The following ARHGEF3 variants were observed in gnomAD, a reference collection of about 807,000 sequenced individuals.
ARHGEF3 encodes 59.8 kDA protein.
ARHGEF3 carries 28 observed loss-of-function variants against 63.2 expected under a neutral mutation model. The ratio of observed to expected loss-of-function variants is 0.44; its 90% CI spans 0.33 to 0.61. The LOEUF is 0.61. ARHGEF3 is among the 20% of genes least tolerant of loss of function. The pLI is 0.03. For synonymous variants in ARHGEF3, 266 were observed against 254.2 expected (o/e 1.05, Z -0.44); for missense variants, 533 against 659.3 (o/e 0.81, Z 2.10).
chr3:57,074,290 T>G (rs201744282), intron 1 of ARHGEF3: 1 of 1,589,822 alleles, frequency 6.3e-7, no homozygotes, highest in Admixed American at 1.7e-5. Context: ...CTGCAACATC[T>G]GAGAGTCTGG....
intron 4 of ARHGEF3, among the ~76,000 whole-genome samples, chr3:56,880,747 AAC>A (rs1413224582): frequency 1.3e-5 from 2 of 152,212 alleles, no homozygotes; most frequent in Non-Finnish European, 2.9e-5. Flanking sequence ...AAAAGATTCA[AAC>A]ACACAAAAAA....
chr3:56,744,437 G>A (rs532009326), intron 7 of ARHGEF3, among the ~76,000 whole-genome samples: 50 of 138,888 alleles, frequency 3.6e-4, no homozygotes, highest in Non-Finnish European at 6.7e-4. Flanking sequence ...TCACTCTGTT[G>A]CCCAGGCTGG....
intron 1 of ARHGEF3, 75 bp from the exon 2 acceptor site, chr3:56,773,891 GT>G: frequency 1.7e-6 from 2 of 1,203,772 alleles, no homozygotes; most frequent in Non-Finnish European, 2.3e-6. Flanking sequence ...TCATACAACT[GT>G]GTTCCACTCC....
intron 1 of ARHGEF3, among the ~76,000 whole-genome samples, chr3:57,046,904 T>C (rs1014172431): frequency 1.3e-5 from 2 of 152,270 alleles, no homozygotes; most frequent in African/African-American, 4.8e-5. Flanking sequence ...TAAGAGATTC[T>C]AGTTTCGTTT....
intron 4 of ARHGEF3, among the ~76,000 whole-genome samples, chr3:56,872,959 G>A (rs1183998694): frequency 6.6e-6 from 1 of 152,058 alleles, no homozygotes. Context: ...GATAGGCCAG[G>A]TACTAAGTAC....
At chr3:56,903,884 T>C (rs1396163730) in intron 3 of ARHGEF3, among the ~76,000 whole-genome samples, 1 of 152,154 alleles carries the variant, frequency 6.6e-6, no homozygotes, top group African/African-American at 2.4e-5. Flanking sequence ...GAGAATTTTT[T>C]TGAGACAAGG....
At chr3:56,989,848 G>A (rs536485546) in intron 2 of ARHGEF3, among the ~76,000 whole-genome samples, 1 of 152,180 alleles carries the variant, frequency 6.6e-6, no homozygotes, top group South Asian at 2.1e-4. Flanking sequence ...CTTCACAGCT[G>A]CAAGATGTCC....
At chr3:56,856,544 C>A (rs1307593936) in intron 4 of ARHGEF3, among the ~76,000 whole-genome samples, 1 of 152,036 alleles carries the variant, frequency 6.6e-6, no homozygotes, top group East Asian at 1.9e-4. Flanking sequence ...TCCCCCTCCC[C>A]CTTCCCCACC....
intron 2 of ARHGEF3, among the ~76,000 whole-genome samples, chr3:56,963,609 C>T (rs139867532): frequency 2.0e-3 from 304 of 152,280 alleles, no homozygotes; most frequent in Middle Eastern, 0.01. Context: ...ATCTTGCTAA[C>T]GAAACTTTTT....
chr3:56,874,657 T>A (rs912694662), intron 4 of ARHGEF3, among the ~76,000 whole-genome samples: 2 of 152,114 alleles, frequency 1.3e-5, no homozygotes, highest in African/African-American at 4.8e-5. Context: ...TAATGGAAAT[T>A]TGGGGATGCC....
intron 1 of ARHGEF3, among the ~76,000 whole-genome samples, chr3:56,795,593 T>C (rs917011398): frequency 1.3e-5 from 2 of 151,772 alleles, no homozygotes; most frequent in Admixed American, 6.6e-5. Context: ...GAGCCACTCC[T>C]TTCCCAGCCA....
At chr3:56,808,772 A>G (rs2037958762) in intron 4 of ARHGEF3, among the ~76,000 whole-genome samples, 1 of 152,174 alleles carries the variant, frequency 6.6e-6, no homozygotes, top group Non-Finnish European at 1.5e-5. Context: ...CCCAGCAGAT[A>G]TTTGGCACTG....
At chr3:56,839,078 G>A (rs985703751) in intron 4 of ARHGEF3, among the ~76,000 whole-genome samples, 1 of 152,146 alleles carries the variant, frequency 6.6e-6, no homozygotes, top group African/African-American at 2.4e-5. Flanking sequence ...GTTCAAGGCA[G>A]CAGTGAGCTG....
At chr3:57,010,765 C>T (rs79251831) in intron 2 of ARHGEF3, among the ~76,000 whole-genome samples, 2,402 of 152,156 alleles carry the variant, frequency 0.016, 75 homozygotes, top group African/African-American at 0.055. Flanking sequence ...ATGGAAAGGC[C>T]TGAATCATGG....
chr3:56,745,139 G>A, intron 7 of ARHGEF3, 66 bp downstream of exon 7: 1 of 1,557,062 alleles, frequency 6.4e-7, no homozygotes, highest in Non-Finnish European at 8.7e-7. Context: ...TTCACCCACT[G>A]ACCCAATCCA....
intron 2 of ARHGEF3, among the ~76,000 whole-genome samples, chr3:57,028,761 A>C (rs985768981): frequency 6.6e-6 from 1 of 151,848 alleles, no homozygotes; most frequent in African/African-American, 2.4e-5. Flanking sequence ...CGGGGTGAAC[A>C]ATATGTGTTG....
chr3:56,945,011 C>T (rs72870589), intron 3 of ARHGEF3, among the ~76,000 whole-genome samples: 1 of 152,198 alleles, frequency 6.6e-6, no homozygotes, highest in Non-Finnish European at 1.5e-5. Context: ...AGAGGAATGA[C>T]TGCAATTTTG....
chr3:56,781,492 T>C (rs1235555422), intron 1 of ARHGEF3, among the ~76,000 whole-genome samples: 1 of 152,152 alleles, frequency 6.6e-6, no homozygotes, highest in African/African-American at 2.4e-5. Flanking sequence ...GTGATCCACC[T>C]GCCTTGGCCT....
At chr3:57,051,879 G>A (rs574767917) in intron 1 of ARHGEF3, among the ~76,000 whole-genome samples, 8 of 152,150 alleles carry the variant, frequency 5.3e-5, no homozygotes, top group East Asian at 1.9e-4. Context: ...CAGGAGAATC[G>A]CTTGAACTGG....
Sources: allele counts gnomAD v4.1 joint callset (sites outside exome capture counted in the v4.1 genomes callset), GRCh38; gene constraint gnomAD v4.1.1; transcripts MANE v1.5; gene names NCBI Gene and HGNC (gene_info 2026-07-23, HGNC 2026-07-21).